Variants in AGBL1 observed in about 807,000 individuals in gnomAD.
AGBL1 encodes the protein cytosolic carboxypeptidase 4.
A neutral mutation model predicts 118.9 loss-of-function variants in AGBL1; 130 were observed. That is an observed-to-expected ratio of 1.09 (90% CI 0.95 to 1.26). The LOEUF is 1.26. Among genes scored for constraint, AGBL1 ranks in the 50% most tolerant of loss-of-function variants. The pLI, the probability that AGBL1 is intolerant of heterozygous loss-of-function variation, is 0.00. For synonymous variants in AGBL1, 555 were observed against 478.9 expected (o/e 1.16, Z -2.08); for missense variants, 1,584 against 1,298.1 (o/e 1.22, Z -3.38).
At position 86,756,582 on chromosome 15, in the gene AGBL1, A is replaced by G. The variant is rs186473470; in HGVS notation, c.3158+82146A>G. On this transcript the variant is annotated intron_variant, in intron 22 of 22. Coordinates refer to ENST00000614907, the MANE Select transcript of AGBL1 (RefSeq NM_001386094.1). ...ATAAGGGAACTGGGGAAGATTTCCC[A>G]TAGTAGCTGATTCCTAAATGAAGAT... 2.9e-3 allele frequency among the ~76,000 whole-genome samples: 438 copies of G among 152,220 alleles called. 1 individual carries two copies. The highest frequency in any genetic ancestry group is 6.8e-3 in the Middle Eastern group (2 of 294).
intron 21 of AGBL1, among the ~76,000 whole-genome samples, chr15:86,622,629 G>T (rs990435979): frequency 1.3e-5 from 2 of 152,110 alleles, no homozygotes; most frequent in Non-Finnish European, 2.9e-5. Flanking sequence ...TCTGGATAAA[G>T]TGAGGGGTCA....
chr15:86,626,656 G>GA (rs560562116), intron 21 of AGBL1, among the ~76,000 whole-genome samples: 1 of 150,606 alleles, frequency 6.6e-6, no homozygotes, highest in Non-Finnish European at 1.5e-5. Flanking sequence ...CTTAAAACTT[G>GA]TTTTTTTTTA....
chr15:86,695,135 T>C (rs2086234323), intron 22 of AGBL1, among the ~76,000 whole-genome samples: 1 of 152,024 alleles, frequency 6.6e-6, no homozygotes, highest in Admixed American at 6.6e-5. Flanking sequence ...ATTTCCTCTT[T>C]CTCTATGTTG....
At chr15:86,968,639 A>G (rs1355564473) in intron 23 of AGBL1, among the ~76,000 whole-genome samples, 2 of 151,924 alleles carry the variant, frequency 1.3e-5, no homozygotes, top group Non-Finnish European at 2.9e-5. Flanking sequence ...AGCAGACTCA[A>G]TCAACTCTTC....
At chr15:86,228,722 T>C (rs2141942077) in intron 6 of AGBL1, among the ~76,000 whole-genome samples, 1 of 152,328 alleles carries the variant, frequency 6.6e-6, no homozygotes. Context: ...TTCTCTTTTA[T>C]CAAGTAGTGA....
intron 21 of AGBL1, among the ~76,000 whole-genome samples, chr15:86,565,186 C>G (rs1315041301): frequency 1.3e-5 from 2 of 152,236 alleles, no homozygotes; most frequent in Admixed American, 1.3e-4. Flanking sequence ...AGCTGCGTTC[C>G]TTTGGAGGGG....
chr15:86,582,920 G>A (rs1462510837), intron 21 of AGBL1, among the ~76,000 whole-genome samples: 2 of 151,472 alleles, frequency 1.3e-5, no homozygotes, highest in African/African-American at 4.9e-5. Flanking sequence ...TAAATGACGA[G>A]TTAATGGGTG....
At chr15:86,988,846 C>T (rs569643377) in intron 24 of AGBL1, among the ~76,000 whole-genome samples, 2 of 152,132 alleles carry the variant, frequency 1.3e-5, no homozygotes, top group Non-Finnish European at 2.9e-5. Flanking sequence ...ATTAATATCA[C>T]CCCAGAATTG....
chr15:86,397,786 G>T (rs1165745341), intron 18 of AGBL1, among the ~76,000 whole-genome samples: 1 of 152,164 alleles, frequency 6.6e-6, no homozygotes, highest in Non-Finnish European at 1.5e-5. Flanking sequence ...TTGAGACTTG[G>T]ACCAGTCTGG....
chr15:86,830,088 T>C (rs1203293623), intron 22 of AGBL1, among the ~76,000 whole-genome samples: 4 of 152,144 alleles, frequency 2.6e-5, no homozygotes, highest in African/African-American at 9.6e-5. Flanking sequence ...GTTAGATGTA[T>C]TTAGATTATC....
At chr15:86,186,158 G>A (rs940374325) in intron 5 of AGBL1, among the ~76,000 whole-genome samples, 3 of 151,966 alleles carry the variant, frequency 2.0e-5, no homozygotes, top group Non-Finnish European at 2.9e-5. Context: ...TTACTTTTAA[G>A]TGAGAGCTGA....
intron 21 of AGBL1, among the ~76,000 whole-genome samples, chr15:86,590,925 A>G (rs1168823438): frequency 6.6e-6 from 1 of 152,244 alleles, no homozygotes; most frequent in Non-Finnish European, 1.5e-5. Context: ...GAGAAAATAT[A>G]CATTGATACA....
chr15:86,314,540 A>G (rs1597720692), intron 17 of AGBL1, among the ~76,000 whole-genome samples: 2 of 152,266 alleles, frequency 1.3e-5, no homozygotes, highest in South Asian at 4.1e-4. Context: ...CCCTTCCTCT[A>G]TGGTGGGTCT....
intron 23 of AGBL1, among the ~76,000 whole-genome samples, chr15:86,940,417 GAGT>G (rs748431115): frequency 3.2e-4 from 48 of 152,068 alleles, no homozygotes; most frequent in Admixed American, 2.6e-4. Flanking sequence ...TAATCTCTCT[GAGT>G]GATCAGGCAC....
At chr15:86,746,479 C>G (rs1218226670) in intron 22 of AGBL1, among the ~76,000 whole-genome samples, 2 of 151,988 alleles carry the variant, frequency 1.3e-5, no homozygotes, top group East Asian at 3.9e-4. Flanking sequence ...ATACCTTGCA[C>G]AGAGCTCAGG....
At chr15:87,012,892 C>T (rs1188926881) in intron 24 of AGBL1, among the ~76,000 whole-genome samples, 5 of 152,112 alleles carry the variant, frequency 3.3e-5, no homozygotes, top group Admixed American at 3.3e-4. Flanking sequence ...TCCAGCTCTG[C>T]ACTTTGATGC....
intron 5 of AGBL1, among the ~76,000 whole-genome samples, chr15:86,163,321 C>T (rs928840257): frequency 6.6e-6 from 1 of 152,154 alleles, no homozygotes; most frequent in Non-Finnish European, 1.5e-5. Flanking sequence ...CCCAGCTACT[C>T]AGGAGGCTGA....
intron 1 of AGBL1, among the ~76,000 whole-genome samples, chr15:86,131,884 T>C (rs982211743): frequency 1.3e-5 from 2 of 150,312 alleles, no homozygotes; most frequent in Admixed American, 1.3e-4. Context: ...TGGGCTGCAG[T>C]CCAGTTGAGG....
rs574947542 is a variant in AGBL1 at position 86,787,966 on chromosome 15, T to A, written c.3158+113530T>A. Among the ~76,000 whole-genome samples the A allele has an allele frequency of 6.6e-5, 10 of 152,346 alleles. 1 individual carries two copies. The South Asian group carries it at 2.1e-3, about 32-fold the overall frequency. On this transcript the variant is annotated intron_variant, in intron 22 of 22. Coordinates refer to ENST00000614907, the MANE Select transcript of AGBL1 (RefSeq NM_001386094.1). ...TTAATTGCATTGAAAATAAGTTCCATGAAACTGTGGTGCATCTTTTTGAAG... is the reference window on the plus strand; with the variant it reads ...TTAATTGCATTGAAAATAAGTTCCAAGAAACTGTGGTGCATCTTTTTGAAG...
Sources: gnomAD v4.1 joint callset for allele counts (sites outside exome capture counted in the v4.1 genomes callset) on GRCh38, gnomAD v4.1.1 for gene constraint, MANE v1.5 for transcripts, NCBI Gene and HGNC (gene_info 2026-07-23, HGNC 2026-07-21) for gene names.